PDZRN3: variants seen among roughly 807,000 people sequenced by gnomAD.
PDZRN3 encodes PDZ domain containing ring finger 3, also known as E3 ubiquitin-protein ligase PDZRN3.
Under a neutral mutation model 85.7 loss-of-function variants are expected in PDZRN3, and 38 were observed. That is an observed-to-expected ratio of 0.44 (90% confidence interval 0.34 to 0.58). The LOEUF (loss-of-function observed/expected upper bound fraction) is 0.58, where lower values mean the gene tolerates loss of function less well. PDZRN3 is among the 20% of genes least tolerant of loss of function. PDZRN3 has a pLI of 0.01. For synonymous variants in PDZRN3, 759 were observed against 638.0 expected, an observed-to-expected ratio of 1.19 and a Z score of -2.86; for missense variants, 1,629 against 1,506.4, an observed-to-expected ratio of 1.08 and a Z score of -1.35.
rs999603058 is a variant in PDZRN3, at chr3:73,497,806, T to G, written c.919-93411A>C. 1.0e-4 allele frequency among the ~76,000 whole-genome samples: 15 copies of G among 146,192 alleles called. No individual in the cohort carries two copies. In the South Asian group the frequency reaches 2.4e-3, roughly 23 times the overall value. On this transcript the variant is annotated intron_variant, in intron 3 of 9. Transcript: ENST00000263666. ...TTTAGGGCCGGCACAGCGCCCCCCG[T>G]CCCCGCCCCCGCCAACAGCTCAGCG...
chr3:73,497,665 T>C (rs998747108), intron 3 of PDZRN3, among the ~76,000 whole-genome samples: 2 of 152,228 alleles, frequency 1.3e-5, no homozygotes, highest in Non-Finnish European at 2.9e-5. Flanking sequence ...TAAACAGTTA[T>C]CAACGTGTTA....
At chr3:73,458,390 G>T (rs566058123) in intron 3 of PDZRN3, among the ~76,000 whole-genome samples, 1 of 151,438 alleles carries the variant, frequency 6.6e-6, no homozygotes, top group South Asian at 2.1e-4. Flanking sequence ...GAAAGCCAAG[G>T]GACTTTATCT....
intron 3 of PDZRN3, among the ~76,000 whole-genome samples, chr3:73,431,656 T>C (rs1338990663): frequency 1.3e-5 from 2 of 152,154 alleles, no homozygotes; most frequent in African/African-American, 2.4e-5. Flanking sequence ...ACAAGGGTAA[T>C]GGGTCTGAAA....
At chr3:73,397,073 GC>G (rs1481612983) in intron 5 of PDZRN3, among the ~76,000 whole-genome samples, 3 of 140,426 alleles carry the variant, frequency 2.1e-5, no homozygotes, top group Middle Eastern at 3.5e-3. Context: ...TTGCTCTGTT[GC>G]CCAGGCTGGA....
At chr3:73,420,445 C>T (rs1702176466) in intron 3 of PDZRN3, among the ~76,000 whole-genome samples, 1 of 152,232 alleles carries the variant, frequency 6.6e-6, no homozygotes. Context: ...AAATACCCTA[C>T]TGAACAAATA....
intron 3 of PDZRN3, among the ~76,000 whole-genome samples, chr3:73,585,731 G>A (rs1427654761): frequency 1.3e-5 from 2 of 152,162 alleles, no homozygotes; most frequent in Non-Finnish European, 2.9e-5. Context: ...CTCAAAATAG[G>A]TGTCAGCAAA....
intron 3 of PDZRN3, among the ~76,000 whole-genome samples, chr3:73,477,483 T>G (rs1372002116): frequency 6.6e-6 from 1 of 152,206 alleles, no homozygotes; most frequent in Non-Finnish European, 1.5e-5. Context: ...ACCATAGTCT[T>G]GGATTATTAA....
intron 3 of PDZRN3, among the ~76,000 whole-genome samples, chr3:73,493,588 T>C (rs1318537866): frequency 1.3e-5 from 2 of 152,108 alleles, no homozygotes; most frequent in African/African-American, 4.8e-5. Flanking sequence ...TGTGCACCTC[T>C]TGTTTCTGCC....
intron 3 of PDZRN3, among the ~76,000 whole-genome samples, chr3:73,413,867 C>T (rs1168249975): frequency 1.3e-5 from 2 of 152,104 alleles, no homozygotes; most frequent in African/African-American, 4.8e-5. Flanking sequence ...ACCCTGAGAA[C>T]CAAGTCAGCT....
intron 3 of PDZRN3, among the ~76,000 whole-genome samples, chr3:73,453,952 C>T (rs1166806954): frequency 6.6e-6 from 1 of 152,168 alleles, no homozygotes; most frequent in Non-Finnish European, 1.5e-5. Context: ...AAACCTCTAG[C>T]ATGTTTTAAA....
At chr3:73,506,321 G>C (rs1054646998) in intron 3 of PDZRN3, among the ~76,000 whole-genome samples, 3 of 152,050 alleles carry the variant, frequency 2.0e-5, no homozygotes, top group Non-Finnish European at 4.4e-5. Context: ...CCAGTCTCAG[G>C]AAAAGGCAAA....
chr3:73,453,002 C>T (rs1460391017), intron 3 of PDZRN3, among the ~76,000 whole-genome samples: 1 of 152,118 alleles, frequency 6.6e-6, no homozygotes, highest in Non-Finnish European at 1.5e-5. Context: ...AAATGGACTA[C>T]AAGCAAACTG....
intron 3 of PDZRN3, among the ~76,000 whole-genome samples, chr3:73,418,490 A>G (rs1321008942): frequency 6.6e-6 from 1 of 152,140 alleles, no homozygotes; most frequent in Admixed American, 6.5e-5. Flanking sequence ...GAAATTAGAT[A>G]ATGTTGATTT....
intron 3 of PDZRN3, among the ~76,000 whole-genome samples, chr3:73,411,001 A>T (rs1701956078): frequency 6.6e-6 from 1 of 152,260 alleles, no homozygotes; most frequent in Non-Finnish European, 1.5e-5. Flanking sequence ...CTGTTTCTAC[A>T]GCCAAATCTC....
At chr3:73,386,939 AG>A (rs1171977176) in intron 8 of PDZRN3, among the ~76,000 whole-genome samples, 3 of 152,184 alleles carry the variant, frequency 2.0e-5, no homozygotes, top group Non-Finnish European at 4.4e-5. Flanking sequence ...AGCTCCCATA[AG>A]TCCTACGTGT....
chr3:73,445,638 G>A (rs1329537481), intron 3 of PDZRN3, among the ~76,000 whole-genome samples: 1 of 152,228 alleles, frequency 6.6e-6, no homozygotes, highest in Non-Finnish European at 1.5e-5. Context: ...AGAGAAAAAT[G>A]CTTCCACAAA....
chr3:73,384,779 G>A lies in PDZRN3; in HGVS notation c.1787C>T (p.Ser596Phe), dbSNP rs760273615. The change falls in exon 10 of 10, where the codon TCC becomes TTC. Residue 596 changes from serine (S) to phenylalanine (F), a missense_variant. By Grantham distance (155) the Ser-to-Phe change is radical. Coordinates refer to ENST00000263666, the MANE Select transcript of PDZRN3 (RefSeq NM_015009.3). ...QENNGDDATASSNPLAGQRKL... is the reference protein window; with the variant it reads ...QENNGDDATAFSNPLAGQRKL... Reference sequence around the variant, plus strand: ...CCTCTGCCCCGCCAGCGGGTTGGAGGATGCGGTGGCGTCGTCGCCATTGTT... The same window carrying A: ...CCTCTGCCCCGCCAGCGGGTTGGAGAATGCGGTGGCGTCGTCGCCATTGTT... 1.3e-5 allele frequency: 21 copies of A among 1,613,868 alleles called. No individual in the cohort carries two copies. The Admixed American group carries it at 2.3e-4, about 18-fold the overall frequency.
intron 5 of PDZRN3, among the ~76,000 whole-genome samples, chr3:73,395,119 C>G (rs1312584661): frequency 6.6e-6 from 1 of 152,186 alleles, no homozygotes; most frequent in Non-Finnish European, 1.5e-5. Flanking sequence ...TTGAGCAAGT[C>G]ATTGAACTTC....
intron 3 of PDZRN3, among the ~76,000 whole-genome samples, chr3:73,515,401 C>T (rs1575702830): frequency 2.0e-5 from 3 of 152,116 alleles, no homozygotes; most frequent in South Asian, 2.1e-4. Flanking sequence ...TGGTCTCGAT[C>T]TCCTGACCTC....
Sources: gnomAD v4.1 joint callset for allele counts (sites outside exome capture counted in the v4.1 genomes callset) on GRCh38, gnomAD v4.1.1 for gene constraint, MANE v1.5 for transcripts, NCBI Gene and HGNC (gene_info 2026-07-23, HGNC 2026-07-21) for gene names.